Variants in TMEM178B observed in about 807,000 individuals in gnomAD.
TMEM178B encodes transmembrane protein 178B.
In TMEM178B, 5 loss-of-function variants were observed where a neutral mutation model predicts 31.0. The observed-to-expected ratio is 0.16, with a 90% confidence interval of 0.08 to 0.34. The LOEUF is 0.34. Ranked by LOEUF, TMEM178B falls within the 10% of genes least tolerant of loss-of-function variation. TMEM178B has a pLI of 1.00. For missense variants in TMEM178B, 275 were observed against 400.3 expected (o/e 0.69, Z 2.67); for synonymous variants, 164 against 164.0 (o/e 1.00, Z 0.00).
intron 2 of TMEM178B, among the ~76,000 whole-genome samples, chr7:141,315,693 T>G (rs1798990222): frequency 6.6e-6 from 1 of 152,160 alleles, no homozygotes; most frequent in South Asian, 2.1e-4. Context: ...GATTATAAGC[T>G]CTTGAAGGCA....
At chr7:141,254,193 G>A (rs1404595606) in intron 2 of TMEM178B, among the ~76,000 whole-genome samples, 2 of 152,144 alleles carry the variant, frequency 1.3e-5, no homozygotes, top group Non-Finnish European at 2.9e-5. Flanking sequence ...TGTTTGATTG[G>A]CATCTGAGGA....
intron 2 of TMEM178B, among the ~76,000 whole-genome samples, chr7:141,274,182 TACC>T (rs1274771912): frequency 6.6e-6 from 1 of 152,248 alleles, no homozygotes; most frequent in Non-Finnish European, 1.5e-5. Context: ...TTGCACTTGT[TACC>T]ACCTGACATT....
chr7:141,427,821 C>T (rs1218054767), intron 2 of TMEM178B, among the ~76,000 whole-genome samples: 2 of 152,014 alleles, frequency 1.3e-5, no homozygotes, highest in East Asian at 1.9e-4. Context: ...GGATTAATAT[C>T]CAAAATATAT....
At chr7:141,487,137 A>C in the TMEM178B span, among the ~76,000 whole-genome samples, 5 of 152,212 alleles carry the variant, frequency 3.3e-5, no homozygotes, top group Admixed American at 2.0e-4. Context: ...GTGGGACTCA[A>C]ATTGGGGTTT....
rs892001057 is a variant in TMEM178B at position 141,119,296 on chromosome 7, CT to C, written c.382+44605del. Among the ~76,000 whole-genome samples the C allele has an allele frequency of 7.2e-5, 11 of 152,254 alleles. No homozygotes were observed. In the South Asian group the frequency reaches 1.7e-3, roughly 23 times the overall value. ...TGCTGGGGATGGGGGCATTAATTACCTGGCACTTCTGGTCTGTCCCACTTGG... is the reference window on the plus strand; with the variant it reads ...TGCTGGGGATGGGGGCATTAATTACCGGCACTTCTGGTCTGTCCCACTTGG... On this transcript the variant is annotated intron_variant, in intron 1 of 3. Coordinates refer to ENST00000565468, the MANE Select transcript of TMEM178B (RefSeq NM_001195278.2).
chr7:141,283,911 A>G (rs1032304803), intron 2 of TMEM178B, among the ~76,000 whole-genome samples: 4 of 152,240 alleles, frequency 2.6e-5, no homozygotes, highest in Admixed American at 6.5e-5. Flanking sequence ...CTGGCAGCAG[A>G]ATCTGATTAT....
intron 2 of TMEM178B, among the ~76,000 whole-genome samples, chr7:141,217,860 T>C (rs1243965448): frequency 6.6e-6 from 1 of 152,054 alleles, no homozygotes. Context: ...GCAGCGAGAA[T>C]CAGGGAGCTG....
At chr7:141,440,857 T>A (rs983367203) in intron 3 of TMEM178B, among the ~76,000 whole-genome samples, 1 of 152,198 alleles carries the variant, frequency 6.6e-6, no homozygotes, top group Non-Finnish European at 1.5e-5. Flanking sequence ...GCGTTGTTAC[T>A]TGTGTCCATA....
chr7:141,287,211 T>C (rs1390505660), intron 2 of TMEM178B, among the ~76,000 whole-genome samples: 2 of 152,220 alleles, frequency 1.3e-5, no homozygotes, highest in Non-Finnish European at 2.9e-5. Context: ...TGCCTGATAA[T>C]TTGGCTCTAA....
chr7:141,383,045 G>C, intron 2 of TMEM178B, among the ~76,000 whole-genome samples: 1 of 152,194 alleles, frequency 6.6e-6, no homozygotes. Context: ...TTGTGGCAAA[G>C]CTTTGGGCCA....
chr7:141,266,018 G>A (rs908731470), intron 2 of TMEM178B, among the ~76,000 whole-genome samples: 2 of 152,216 alleles, frequency 1.3e-5, no homozygotes, highest in African/African-American at 2.4e-5. Context: ...TGTCCTGAGT[G>A]TGGAATTCCT....
In TMEM178B at chr7:141,074,147, C is replaced by A; in HGVS notation, c.-164C>A. 1.9e-6 allele frequency: 2 copies of A among 1,080,144 alleles called. No homozygotes were observed. The highest frequency in any genetic ancestry group is 2.5e-6 in the Non-Finnish European group (2 of 799,618). The allele number at this position is 1,080,144 out of a possible 1,614,324, so 66.9% of individuals were successfully genotyped here. A position where few individuals can be genotyped will look rare whatever the true frequency, so the allele number is the denominator to read the frequency against. On this transcript the variant is annotated 5_prime_UTR_variant, in exon 1 of 4. Coordinates refer to ENST00000565468, the MANE Select transcript of TMEM178B (RefSeq NM_001195278.2). This position sits in a 1 kb window ranked among gnomAD's most constrained non-coding sequence, Gnocchi z 5.1. Reference sequence around the variant, plus strand: ...GGCCGCCCGCCCCCATCCCCGCAGTCCCCGGGCCGTGCTCCGGTAGGCGGG... The same window carrying A: ...GGCCGCCCGCCCCCATCCCCGCAGTACCCGGGCCGTGCTCCGGTAGGCGGG...
chr7:141,261,201 A>G (rs560371133), intron 2 of TMEM178B, among the ~76,000 whole-genome samples: 1 of 152,308 alleles, frequency 6.6e-6, no homozygotes, highest in African/African-American at 2.4e-5. Flanking sequence ...AAGTTTTTAG[A>G]AATTCAATTT....
intron 1 of TMEM178B, among the ~76,000 whole-genome samples, chr7:141,108,125 A>G (rs1454549074): frequency 6.6e-6 from 1 of 152,176 alleles, no homozygotes; most frequent in Non-Finnish European, 1.5e-5. Flanking sequence ...AAGGTTCATG[A>G]GAAGATGGAA....
chr7:141,237,852 C>T (rs1161537045), intron 2 of TMEM178B, among the ~76,000 whole-genome samples: 6 of 151,830 alleles, frequency 4.0e-5, no homozygotes, highest in Non-Finnish European at 8.8e-5. Flanking sequence ...GGCGAAACCC[C>T]GTCTCTACCA....
intron 2 of TMEM178B, among the ~76,000 whole-genome samples, chr7:141,372,500 C>T (rs1425193532): frequency 6.6e-6 from 1 of 152,136 alleles, no homozygotes; most frequent in Non-Finnish European, 1.5e-5. Context: ...GCAGCAGTTA[C>T]ATTATAAAAT....
At position 141,435,863 on chromosome 7, in the gene TMEM178B, C is replaced by T. The variant is rs189683515; in HGVS notation, c.497-1745C>T. Among the ~76,000 whole-genome samples the T allele has an allele frequency of 1.8e-4, 27 of 152,312 alleles. No individual in the cohort carries two copies. In the East Asian group the frequency reaches 1.9e-3, roughly 11 times the overall value. On this transcript the variant is annotated intron_variant, in intron 2 of 3. Transcript: ENST00000565468. Reference sequence around the variant, plus strand: ...CCGGGTCAGCCAGGGCAGACAAGGGCGGCCCTAGTAGAGCAGGAACCTGCC... The same window carrying T: ...CCGGGTCAGCCAGGGCAGACAAGGGTGGCCCTAGTAGAGCAGGAACCTGCC...
intron 2 of TMEM178B, among the ~76,000 whole-genome samples, chr7:141,375,329 G>A (rs542504075): frequency 7.6e-4 from 116 of 152,312 alleles, no homozygotes; most frequent in African/African-American, 2.6e-3. Context: ...TCATTTCAGG[G>A]TCATTGTGAT....
intron 1 of TMEM178B, among the ~76,000 whole-genome samples, chr7:141,137,332 A>C (rs1342914209): frequency 6.6e-6 from 1 of 152,212 alleles, no homozygotes; most frequent in Non-Finnish European, 1.5e-5. Flanking sequence ...CAACAGATGA[A>C]TAGATAAAGG....
Sources: gnomAD v4.1 joint callset for allele counts (sites outside exome capture counted in the v4.1 genomes callset) on GRCh38, gnomAD v4.1.1 for gene constraint, Gnocchi (gnomAD v3.1) non-coding constraint, MANE v1.5 for transcripts, NCBI Gene and HGNC (gene_info 2026-07-23, HGNC 2026-07-21) for gene names.